CDH7: variants seen among roughly 807,000 people sequenced by gnomAD.
CDH7 encodes cadherin-7.
A neutral mutation model predicts 71.8 loss-of-function variants in CDH7; 25 were observed. That is an observed-to-expected ratio of 0.35 (90% CI 0.25 to 0.49). CDH7 has a LOEUF of 0.49. CDH7 is among the 20% of genes least tolerant of loss of function. The pLI is 0.99. For synonymous variants in CDH7, 381 were observed against 363.8 expected (o/e 1.05, Z -0.54); for missense variants, 862 against 974.6 (o/e 0.88, Z 1.54).
chr18:65,802,847 T>C (rs1308922563), intron 2 of CDH7, among the ~76,000 whole-genome samples: 1 of 152,118 alleles, frequency 6.6e-6, no homozygotes, highest in Non-Finnish European at 1.5e-5. Context: ...AAAGAATGCT[T>C]CTTTGAGTTG....
Position 65,888,408 on chromosome 18 carries a change from A to G in CDH7, c.*7514A>G, listed in dbSNP as rs1194926142. 3 of 152,136 alleles carry G rather than the reference A, an allele frequency of 2.0e-5. No homozygotes were observed. Among genetic ancestry groups the G allele is most frequent in the Non-Finnish European group, 1.5e-5 (1 of 68,032 alleles). 9.4% of individuals were successfully genotyped at this position (152,136 alleles called of 1,614,324 possible). Reference sequence around the variant, plus strand: ...AATTTCCGCAATTCTTGGTACCTCAAAAGACCTGACACACTACAATGAAGA... The same window carrying G: ...AATTTCCGCAATTCTTGGTACCTCAGAAGACCTGACACACTACAATGAAGA... On this transcript the variant is annotated 3_prime_UTR_variant, in exon 12 of 12. Transcript: ENST00000397968.
intron 6 of CDH7, 68 bp from the exon 7 acceptor site, chr18:65,843,744 A>C (rs2143990360): frequency 7.2e-7 from 1 of 1,380,630 alleles, no homozygotes; most frequent in South Asian, 1.7e-5. Context: ...GACATTCATA[A>C]ATGAAAAGGC....
intron 11 of CDH7, among the ~76,000 whole-genome samples, chr18:65,868,463 G>A (rs971609415): frequency 6.6e-6 from 1 of 152,142 alleles, no homozygotes; most frequent in African/African-American, 2.4e-5. Flanking sequence ...TTCTTTATAA[G>A]GTATTTTTCC....
In CDH7 at chr18:65,812,687, A is replaced by G. The variant is rs532882316; in HGVS notation, c.506-1798A>G. 1.1e-4 allele frequency among the ~76,000 whole-genome samples: 17 copies of G among 152,268 alleles called. 1 individual carries two copies. In the East Asian group the frequency reaches 1.7e-3, roughly 16 times the overall value. On this transcript the variant is annotated intron_variant, in intron 3 of 11. Transcript: ENST00000397968. ...GTGGAAAGCTTAAATTTATTTGTGA[A>G]TATGTGTGTGTATCTGGTGTGTGTG...
At chr18:65,808,616 A>C (rs1318755532) in intron 2 of CDH7, among the ~76,000 whole-genome samples, 1 of 152,204 alleles carries the variant, frequency 6.6e-6, no homozygotes, top group African/African-American at 2.4e-5. Context: ...AAGGTACAAA[A>C]GGCAATGTCC....
chr18:65,874,685 CA>C (rs1914022927), intron 11 of CDH7, among the ~76,000 whole-genome samples: 1 of 151,496 alleles, frequency 6.6e-6, no homozygotes, highest in African/African-American at 2.4e-5. Context: ...TTAAAAAATT[CA>C]AATATGCATA....
At chr18:65,836,037 A>G (rs1012631664) in intron 6 of CDH7, among the ~76,000 whole-genome samples, 2 of 152,184 alleles carry the variant, frequency 1.3e-5, no homozygotes, top group African/African-American at 4.8e-5. Flanking sequence ...GGAGTGATGC[A>G]CTTTGAAGAT....
chr18:65,771,924 G>C (rs1916556110), intron 2 of CDH7, among the ~76,000 whole-genome samples: 1 of 152,118 alleles, frequency 6.6e-6, no homozygotes, highest in South Asian at 2.1e-4. Flanking sequence ...ATGCGGAAGA[G>C]TAATTTCTCA....
At chr18:65,830,005 G>T (rs901464058) in intron 6 of CDH7, among the ~76,000 whole-genome samples, 68 of 152,228 alleles carry the variant, frequency 4.5e-4, no homozygotes, top group African/African-American at 1.6e-3. Flanking sequence ...GGCTTTCAAA[G>T]ATTTGAACAT....
At chr18:65,810,034 C>G (rs776278966) in intron 3 of CDH7, 36 bp downstream of exon 3, 1 of 1,542,102 alleles carries the variant, frequency 6.5e-7, no homozygotes, top group African/African-American at 1.4e-5. Context: ...TAGCTTGTGG[C>G]CGATTTGGGG....
intron 6 of CDH7, among the ~76,000 whole-genome samples, chr18:65,828,220 C>T (rs1469895873): frequency 6.6e-6 from 1 of 152,014 alleles, no homozygotes; most frequent in Admixed American, 6.5e-5. Context: ...AATAAACAAA[C>T]ATAAACAAAT....
intron 2 of CDH7, among the ~76,000 whole-genome samples, chr18:65,805,023 AT>A (rs886997061): frequency 3.6e-4 from 55 of 152,188 alleles, no homozygotes; most frequent in African/African-American, 1.3e-3. Context: ...AGAAATTGAA[AT>A]AAAACAAATA....
intron 7 of CDH7, among the ~76,000 whole-genome samples, chr18:65,848,188 T>C (rs1913003148): frequency 6.6e-6 from 1 of 152,084 alleles, no homozygotes; most frequent in Non-Finnish European, 1.5e-5. Flanking sequence ...TCATCCAAGA[T>C]GGTAAAAGAT....
At chr18:65,794,388 C>G (rs1336742030) in intron 2 of CDH7, among the ~76,000 whole-genome samples, 1 of 151,896 alleles carries the variant, frequency 6.6e-6, no homozygotes, top group African/African-American at 2.4e-5. Flanking sequence ...AGTAGGTGAC[C>G]TTTTAAACAT....
chr18:65,811,774 A>G (rs1911546154), intron 3 of CDH7, among the ~76,000 whole-genome samples: 3 of 152,062 alleles, frequency 2.0e-5, no homozygotes, highest in Non-Finnish European at 4.4e-5. Context: ...TTTCCTGCAT[A>G]GAATATAGAT....
chr18:65,853,662 T>A (rs1035674029), intron 7 of CDH7, among the ~76,000 whole-genome samples: 6 of 152,006 alleles, frequency 3.9e-5, no homozygotes, highest in African/African-American at 1.4e-4. Flanking sequence ...TTCAGTCTAA[T>A]CCTTGTCTTT....
intron 2 of CDH7, among the ~76,000 whole-genome samples, chr18:65,798,054 A>G (rs1441014406): frequency 2.6e-5 from 4 of 152,186 alleles, no homozygotes; most frequent in Non-Finnish European, 5.9e-5. Flanking sequence ...AACCCTTGGC[A>G]TAGAGAACTA....
At chr18:65,763,718 G>T (rs534986653) in intron 2 of CDH7, among the ~76,000 whole-genome samples, 1 of 152,020 alleles carries the variant, frequency 6.6e-6, no homozygotes, top group South Asian at 2.1e-4. Flanking sequence ...GTGATGGGCA[G>T]TTCATGGTGC....
In CDH7 at chr18:65,771,121, T is replaced by G. The variant is rs541732783; in HGVS notation, c.210+8069T>G. 1.9e-3 allele frequency among the ~76,000 whole-genome samples: 291 copies of G among 152,258 alleles called. 1 individual carries two copies. The highest frequency in any genetic ancestry group is 6.8e-3 in the African/African-American group (283 of 41,554). The stretch of plus-strand genomic sequence containing the variant: ...TCAGGTCCCAACCATATAATATCAT[T>G]TAACCTTAGTTTACTTGCAAAAGAC... On this transcript the variant is annotated intron_variant, in intron 2 of 11. Transcript: ENST00000397968.
Sources: allele counts gnomAD v4.1 joint callset (sites outside exome capture counted in the v4.1 genomes callset), GRCh38; gene constraint gnomAD v4.1.1; transcripts MANE v1.5; gene names NCBI Gene and HGNC (gene_info 2026-07-23, HGNC 2026-07-21).